Variants in SNX30 observed in about 807,000 individuals in gnomAD.
SNX30 encodes sorting nexin-30.
SNX30 carries 24 observed loss-of-function variants against 46.4 expected under a neutral mutation model. The observed-to-expected ratio is 0.52, with a 90% CI of 0.37 to 0.73. The LOEUF is 0.73. SNX30 is among the 30% of genes least tolerant of loss of function. The probability of loss-of-function intolerance (pLI) is 0.00; values close to 1 mark genes in which losing one functional copy is unlikely to be tolerated. For missense variants in SNX30, 533 were observed against 555.7 expected (o/e 0.96, Z 0.41); for synonymous variants, 189 against 211.5 (o/e 0.89, Z 0.92).
chr9:112,814,018 AAAG>A (rs769062416), intron 2 of SNX30, among the ~76,000 whole-genome samples: 3 of 152,204 alleles, frequency 2.0e-5, no homozygotes, highest in Non-Finnish European at 4.4e-5. Flanking sequence ...CATAACTAGA[AAAG>A]AAAATCATAG....
intron 1 of SNX30, among the ~76,000 whole-genome samples, chr9:112,773,761 A>G (rs62576386): frequency 0.068 from 10,378 of 152,262 alleles, 452 homozygotes; most frequent in Non-Finnish European, 0.099. Context: ...ATTTACTATA[A>G]ATTATGACTT....
chr9:112,836,305 C>T lies in SNX30; in HGVS notation c.710C>T (p.Thr237Ile). 1 of 1,613,572 alleles carries T rather than the reference C, an allele frequency of 6.2e-7. No individual in the cohort carries two copies. Among genetic ancestry groups the T allele is most frequent in the Non-Finnish European group, 8.5e-7 (1 of 1,179,484 alleles). Reference sequence around the variant, plus strand: ...GTCACTGGCGGCTACAAGCTGAGGACTCGGCCGCTTGAGTTTGCTGCCATA... The same window carrying T: ...GTCACTGGCGGCTACAAGCTGAGGATTCGGCCGCTTGAGTTTGCTGCCATA... ...KHVTGGYKLR[T>I]RPLEFAAIGD... is the part of the protein sequence containing the mutation. The change falls in exon 5 of 9, where the codon ACT becomes ATT. Residue 237 changes from threonine (T) to isoleucine (I), a missense_variant. By Grantham distance (89) the Thr-to-Ile change is moderately conservative. Coordinates refer to ENST00000374232, the MANE Select transcript of SNX30 (RefSeq NM_001012994.2).
chr9:112,868,044 G>T (rs947473545), intron 8 of SNX30, among the ~76,000 whole-genome samples: 4 of 152,204 alleles, frequency 2.6e-5, no homozygotes, highest in African/African-American at 9.7e-5. Flanking sequence ...GAGAACATCA[G>T]CGTGGGAACC....
At position 112,775,543 on chromosome 9, in the gene SNX30, TGTGTGTGTGTGTGTGTG is replaced by T. The variant is rs1025981304; in HGVS notation, c.156+24387_156+24403del. Among the ~76,000 whole-genome samples the T allele has an allele frequency of 0.031, 104 of 3,332 alleles. 1 individual carries two copies. The East Asian group carries it at 0.42, about 14-fold the overall frequency. 2.2% of individuals were successfully genotyped at this position (3,332 alleles called of 152,430 possible). A position where few individuals can be genotyped will look rare whatever the true frequency, so the allele number is the denominator to read the frequency against. Reference sequence around the variant, plus strand: ...TGGCTTGTCCTTTTTATTTTAAATTTGTGTGTGTGTGTGTGTGTGTGTGTGTGTGTGTGTGTGTGTGT... The same window carrying T: ...TGGCTTGTCCTTTTTATTTTAAATTTTGTGTGTGTGTGTGTGTGTGTGTGT... On this transcript the variant is annotated intron_variant, in intron 1 of 8. Coordinates refer to ENST00000374232, the MANE Select transcript of SNX30 (RefSeq NM_001012994.2).
At chr9:112,861,843 T>C (rs1450362098) in intron 7 of SNX30, among the ~76,000 whole-genome samples, 3 of 152,208 alleles carry the variant, frequency 2.0e-5, no homozygotes, top group African/African-American at 7.2e-5. Flanking sequence ...CTCAGTGCTG[T>C]TTCCTCCATG....
At chr9:112,772,522 T>G (rs1839668812) in intron 1 of SNX30, among the ~76,000 whole-genome samples, 1 of 152,152 alleles carries the variant, frequency 6.6e-6, no homozygotes, top group Non-Finnish European at 1.5e-5. Flanking sequence ...CGTGTGGAGA[T>G]ATCTAGGCGT....
intron 2 of SNX30, among the ~76,000 whole-genome samples, chr9:112,809,245 A>AT (rs1170105634): frequency 1.3e-5 from 2 of 151,978 alleles, no homozygotes; most frequent in Admixed American, 1.3e-4. Flanking sequence ...TGCCTGGCTA[A>AT]TTTTTTGTAT....
At chr9:112,751,207 G>T (rs762952801) in intron 1 of SNX30, 50 bp downstream of exon 1, 11 of 1,357,076 alleles carry the variant, frequency 8.1e-6, no homozygotes, top group African/African-American at 2.9e-5. Context: ...CTCCCCGTGG[G>T]GGGGATGATG....
chr9:112,760,411 T>C (rs2796030), intron 1 of SNX30, among the ~76,000 whole-genome samples: 7 of 151,950 alleles, frequency 4.6e-5, no homozygotes, highest in Admixed American at 4.6e-4. Context: ...TCAATATCTT[T>C]TATTAGCCAA....
chr9:112,865,318 C>T (rs112006357), intron 8 of SNX30, among the ~76,000 whole-genome samples: 4 of 152,042 alleles, frequency 2.6e-5, no homozygotes, highest in African/African-American at 7.2e-5. Flanking sequence ...TTGCTTGATT[C>T]GTATGTCCAG....
intron 4 of SNX30, among the ~76,000 whole-genome samples, chr9:112,835,425 C>A (rs1840737419): frequency 6.6e-6 from 1 of 151,926 alleles, no homozygotes; most frequent in Non-Finnish European, 1.5e-5. Context: ...CGTGCCTCAG[C>A]CTCCTGAGTA....
intron 1 of SNX30, among the ~76,000 whole-genome samples, chr9:112,766,914 A>C (rs1839547323): frequency 6.6e-6 from 1 of 152,206 alleles, no homozygotes; most frequent in Non-Finnish European, 1.5e-5. Context: ...TGCTGCAATG[A>C]ACATGGTTAT....
chr9:112,816,223 A>G (rs1840394035), intron 2 of SNX30, among the ~76,000 whole-genome samples: 1 of 152,212 alleles, frequency 6.6e-6, no homozygotes, highest in African/African-American at 2.4e-5. Flanking sequence ...GGATGCAAGA[A>G]CTGCATAGGC....
intron 1 of SNX30, among the ~76,000 whole-genome samples, chr9:112,763,544 A>G (rs1307499959): frequency 2.0e-5 from 3 of 151,128 alleles, no homozygotes; most frequent in Admixed American, 6.6e-5. Flanking sequence ...TTTTTAAAAG[A>G]ATTATTTGTT....
At position 112,830,837 on chromosome 9, in the gene SNX30, C is replaced by T. The variant is rs1401519620; in HGVS notation, c.572C>T (p.Pro191Leu). 1 of 1,613,922 alleles carries T rather than the reference C, an allele frequency of 6.2e-7. No homozygotes were observed. The highest frequency in any genetic ancestry group is 1.1e-5 in the South Asian group (1 of 91,046). Reference sequence around the variant, plus strand: ...TTTCTAAAAAGAATTACGGACCATCCTGTGCTGTCTTTCAATGAACACTTT... The same window carrying T: ...TTTCTAAAAAGAATTACGGACCATCTTGTGCTGTCTTTCAATGAACACTTT... ...DKFLKRITDH[P>L]VLSFNEHFNI... Residue 191 changes from proline (P) to leucine (L), a missense_variant, in exon 4 of 9, where the codon CCT becomes CTT. Around this residue, in one of 3 missense-constraint regions of SNX30, gnomAD observed 81 missense variants for 124.4 expected, o/e 0.65. Transcript: ENST00000374232.
intron 7 of SNX30, among the ~76,000 whole-genome samples, chr9:112,852,710 A>C (rs10759594): frequency 0.8 from 121,361 of 151,888 alleles, 48,670 homozygotes; most frequent in South Asian, 0.87. Flanking sequence ...ACCTACCATT[A>C]CATCACTCTG....
chr9:112,836,422 T>C lies in SNX30; in HGVS notation c.814+13T>C, dbSNP rs1010553687. 7 of 1,584,120 alleles carry C rather than the reference T, an allele frequency of 4.4e-6. No homozygotes were observed. The African/African-American group carries it at 8.1e-5, about 18-fold the overall frequency. On this transcript the variant is annotated intron_variant, in intron 5 of 8. Transcript: ENST00000374232. ...AAAGAAGAAATAGGTGAGCTGTCTG[T>C]TGAGGTCTCGATTATGCCCTGCAGC...
chr9:112,749,957 A>C (rs1839238132), upstream of SNX30, among the ~76,000 whole-genome samples: 1 of 152,194 alleles, frequency 6.6e-6, no homozygotes, highest in African/African-American at 2.4e-5. Flanking sequence ...GTGAACCTAC[A>C]CCCCAAAGGG....
intron 5 of SNX30, among the ~76,000 whole-genome samples, chr9:112,837,200 A>G (rs1840770633): frequency 6.6e-6 from 1 of 152,152 alleles, no homozygotes; most frequent in Non-Finnish European, 1.5e-5. Context: ...TACGGGGGAA[A>G]AAAATCAACA....
Sources: allele counts gnomAD v4.1 joint callset (sites outside exome capture counted in the v4.1 genomes callset), GRCh38; gene constraint gnomAD v4.1.1; regional missense constraint gnomAD v4.1.1; transcripts MANE v1.5; gene names NCBI Gene and HGNC (gene_info 2026-07-23, HGNC 2026-07-21).